Variants in MACF1 observed in about 807,000 individuals in gnomAD.
The protein encoded by MACF1 is microtubule-actin cross-linking factor 1.
MACF1 carries 193 observed loss-of-function variants against 854.8 expected under a neutral mutation model. The observed-to-expected ratio is 0.23, with a 90% CI of 0.20 to 0.25. The LOEUF is 0.25. Among genes scored for constraint, MACF1 ranks in the 10% least tolerant of loss-of-function variants. The pLI is 1.00. For synonymous variants in MACF1, 3,185 were observed against 3,226.7 expected (o/e 0.99, Z 0.44); for missense variants, 7,722 against 8,929.1 (o/e 0.86, Z 5.45).
intron 2 of MACF1, among the ~76,000 whole-genome samples, chr1:39,156,567 CA>C (rs1348301729): frequency 1.3e-5 from 2 of 152,038 alleles, no homozygotes; most frequent in Admixed American, 1.3e-4. Context: ...TATGGTGAGC[CA>C]AGATTGTGCC....
At chr1:39,284,955 A>C in intron 11 of MACF1, 128 bp from the exon 12 acceptor site, 1 of 1,269,572 alleles carries the variant, frequency 7.9e-7, no homozygotes, top group East Asian at 2.3e-5. Flanking sequence ...TTGTTTTTCC[A>C]TGTTAGACAA....
intron 2 of MACF1, among the ~76,000 whole-genome samples, chr1:39,106,994 G>T (rs902510910): frequency 1.4e-4 from 21 of 152,056 alleles, no homozygotes; most frequent in Non-Finnish European, 2.2e-4. Context: ...TTCTTTTTAA[G>T]AAATGTGGTT....
rs1305351973 is a variant in MACF1, at chr1:39,452,037, C to T, written c.20419-119C>T. 25 of 860,622 alleles carry T rather than the reference C, an allele frequency of 2.9e-5. No individual in the cohort carries two copies. In the Middle Eastern group the frequency reaches 7.6e-4, roughly 26 times the overall value. 53.3% of individuals were successfully genotyped at this position (860,622 alleles called of 1,614,324 possible). A position where few individuals can be genotyped will look rare whatever the true frequency, so the allele number is the denominator to read the frequency against. ...TGTTTTTTCTTATGCATTGCTCTGC[C>T]TCCCTCTATGCATAAAAGACACATG... On this transcript the variant is annotated intron_variant, in intron 85 of 100. Coordinates refer to ENST00000564288, the MANE Select transcript of MACF1 (RefSeq NM_001394062.1).
Position 39,463,617 on chromosome 1 carries a change from A to G in MACF1, c.21684A>G (p.Thr7228=). The change falls in exon 94 of 101, where the codon ACA becomes ACG. Residue 7228 remains threonine (T), a synonymous_variant. Coordinates refer to ENST00000564288, the MANE Select transcript of MACF1 (RefSeq NM_001394062.1). The part of the protein sequence containing the change: ...TDADKIEDEV[T]RQVAQCKCAK... Reference sequence around the variant, plus strand: ...TTTTTGTTCACACCCAATAGGTTACAAGACAAGTGGCTCAGTGCAAATGTG... The same window carrying G: ...TTTTTGTTCACACCCAATAGGTTACGAGACAAGTGGCTCAGTGCAAATGTG... 6.2e-7 allele frequency: 1 copy of G among 1,613,522 alleles called. No individual in the cohort carries two copies. The highest frequency in any genetic ancestry group is 8.5e-7 in the Non-Finnish European group (1 of 1,179,510).
intron 15 of MACF1, among the ~76,000 whole-genome samples, chr1:39,288,165 T>G (rs560754602): frequency 5.8e-4 from 88 of 152,312 alleles, no homozygotes; most frequent in African/African-American, 2.0e-3. Context: ...TCCTTTGTGT[T>G]ACAGACAATC....
chr1:39,285,835 C>G, intron 14 of MACF1, 77 bp downstream of exon 14: 1 of 1,513,364 alleles, frequency 6.6e-7, no homozygotes, highest in Non-Finnish European at 9.0e-7. Context: ...GAGCAAGAGT[C>G]AGGCACTTAA....
intron 1 of MACF1, among the ~76,000 whole-genome samples, chr1:39,215,928 G>T (rs931544172): frequency 6.6e-6 from 1 of 152,110 alleles, no homozygotes; most frequent in Non-Finnish European, 1.5e-5. Context: ...AGATGATCTG[G>T]GGTCAGGGAC....
At chr1:39,217,749 C>T (rs986244704) in intron 1 of MACF1, among the ~76,000 whole-genome samples, 6 of 151,658 alleles carry the variant, frequency 4.0e-5, no homozygotes, top group Non-Finnish European at 5.9e-5. Context: ...TGGTGGCGTG[C>T]GCCTATAGTC....
chr1:39,304,645 G>A (rs1373414919), intron 23 of MACF1: 1 of 500,476 alleles, frequency 2.0e-6, no homozygotes, highest in African/African-American at 2.0e-5. Flanking sequence ...CTCACTGCAA[G>A]CTCCGCCTCC....
At chr1:39,385,221 GC>G (rs992690279) in intron 56 of MACF1, among the ~76,000 whole-genome samples, 3 of 152,042 alleles carry the variant, frequency 2.0e-5, no homozygotes, top group African/African-American at 7.2e-5. Context: ...GTGTTCACCA[GC>G]ACGCCCCACT....
At chr1:39,449,635 T>G (rs1285537993) in intron 84 of MACF1, among the ~76,000 whole-genome samples, 1 of 151,164 alleles carries the variant, frequency 6.6e-6, no homozygotes, top group Non-Finnish European at 1.5e-5. Flanking sequence ...TCTGACCTCG[T>G]GATCCACCCG....
rs775707203 is a variant in MACF1 at position 39,427,657 on chromosome 1, A to G, written c.16476+43A>G. On this transcript the variant is annotated intron_variant, in intron 62 of 100. Transcript: ENST00000564288. Reference sequence around the variant, plus strand: ...TAAATGAAAATAGAAAACTGGAATTAGAAATCCTAGAAATGAGTAAACTGC... The same window carrying G: ...TAAATGAAAATAGAAAACTGGAATTGGAAATCCTAGAAATGAGTAAACTGC... 28 of 1,575,438 alleles carry G rather than the reference A, an allele frequency of 1.8e-5. 3 individuals carry two copies. In the South Asian group the frequency reaches 3.1e-4, roughly 18 times the overall value.
intron 2 of MACF1, among the ~76,000 whole-genome samples, chr1:39,157,979 A>G (rs1368779416): frequency 6.6e-6 from 1 of 152,214 alleles, no homozygotes; most frequent in East Asian, 1.9e-4. Flanking sequence ...TTCACAAGAT[A>G]CTTTCAAAGA....
At chr1:39,449,539 C>T (rs1644292884) in intron 84 of MACF1, among the ~76,000 whole-genome samples, 1 of 151,886 alleles carries the variant, frequency 6.6e-6, no homozygotes, top group Admixed American at 6.6e-5. Flanking sequence ...GCTGGGACTA[C>T]AGGCACCCGC....
At chr1:39,443,011 T>TCAAGACA in intron 78 of MACF1, 100 bp downstream of exon 78, 2 of 1,208,636 alleles carry the variant, frequency 1.7e-6, no homozygotes, top group Non-Finnish European at 2.3e-6. Flanking sequence ...AAAGAATCCC[T>TCAAGACA]TATGTCTTGA....
intron 6 of MACF1, among the ~76,000 whole-genome samples, chr1:39,275,469 A>G (rs973829157): frequency 1.3e-5 from 2 of 152,108 alleles, no homozygotes; most frequent in Non-Finnish European, 1.5e-5. Context: ...CACAGTAGCC[A>G]TAAACTCCTG....
At position 39,429,139 on chromosome 1, in the gene MACF1, T is replaced by C. The variant is rs2995513; in HGVS notation, c.16804-103T>C. On this transcript the variant is annotated intron_variant, in intron 63 of 100. Transcript: ENST00000564288. ...CAAATATCTGATGTTTAAATTAAAC[T>C]AGTATTCATCTCTTTACTTTAAATT... The C allele has an allele frequency of 0.043, 26,661 of 615,076 alleles. 753 individuals carry two copies. The highest frequency in any genetic ancestry group is 0.098 in the African/African-American group (5,264 of 53,446). The allele number at this position is 615,076 out of a possible 1,614,324, so 38.1% of individuals were successfully genotyped here. A position where few individuals can be genotyped will look rare whatever the true frequency, so the allele number is the denominator to read the frequency against.
intron 89 of MACF1, 133 bp downstream of exon 89, chr1:39,455,230 ATACT>A (rs1644412617): frequency 1.2e-6 from 1 of 820,744 alleles, no homozygotes; most frequent in South Asian, 1.8e-5. Context: ...AAAACAACAC[ATACT>A]TACTTACCTC....
intron 2 of MACF1, among the ~76,000 whole-genome samples, chr1:39,157,666 A>G (rs1367818877): frequency 6.6e-6 from 1 of 152,198 alleles, no homozygotes; most frequent in Admixed American, 6.5e-5. Context: ...TCTCATTGGC[A>G]TGATGTGTGA....
Sources: allele counts gnomAD v4.1 joint callset (sites outside exome capture counted in the v4.1 genomes callset), GRCh38; gene constraint gnomAD v4.1.1; transcripts MANE v1.5; gene names NCBI Gene and HGNC (gene_info 2026-07-23, HGNC 2026-07-21).